Variants in CDH12 observed in about 807,000 individuals in gnomAD.
CDH12 encodes the protein cadherin-12.
In CDH12, 41 loss-of-function variants were observed where a neutral mutation model predicts 74.1. The observed-to-expected ratio is 0.55, with a 90% CI of 0.43 to 0.72. CDH12 has a LOEUF of 0.72. CDH12 is among the 30% of genes least tolerant of loss of function. The pLI is 0.00. For missense variants in CDH12, 945 were observed against 977.2 expected, an observed-to-expected ratio of 0.97 and a Z score of 0.44; for synonymous variants, 399 against 355.0, an observed-to-expected ratio of 1.12 and a Z score of -1.39.
intron 1 of CDH12, among the ~76,000 whole-genome samples, chr5:22,634,230 A>G (rs1485634825): frequency 6.6e-6 from 1 of 152,136 alleles, no homozygotes; most frequent in Non-Finnish European, 1.5e-5. Flanking sequence ...CAACAAGACA[A>G]AAGTAATTAC....
At chr5:22,235,336 T>G (rs1299576975) in intron 3 of CDH12, among the ~76,000 whole-genome samples, 2 of 152,162 alleles carry the variant, frequency 1.3e-5, no homozygotes, top group Non-Finnish European at 2.9e-5. Flanking sequence ...ATTACAGCAC[T>G]TTGGGAGGCC....
chr5:21,958,170 CCTT>C (rs1265276515), intron 6 of CDH12, among the ~76,000 whole-genome samples: 2 of 152,052 alleles, frequency 1.3e-5, no homozygotes, highest in African/African-American at 2.4e-5. Context: ...GTCCCTTTCA[CCTT>C]CTTCTATAAT....
At chr5:21,967,883 T>C (rs190334072) in intron 6 of CDH12, among the ~76,000 whole-genome samples, 3,500 of 152,236 alleles carry the variant, frequency 0.023, 67 homozygotes, top group Middle Eastern at 0.034. Context: ...CACAAGGCCT[T>C]GCTCAATTTC....
chr5:22,231,082 T>C (rs560175030), intron 3 of CDH12, among the ~76,000 whole-genome samples: 30 of 152,320 alleles, frequency 2.0e-4, no homozygotes, highest in Middle Eastern at 3.4e-3. Context: ...GGCAATTGTA[T>C]TAAAAAATAG....
At chr5:22,336,612 G>T (rs1739595415) in intron 3 of CDH12, among the ~76,000 whole-genome samples, 1 of 152,206 alleles carries the variant, frequency 6.6e-6, no homozygotes, top group South Asian at 2.1e-4. Flanking sequence ...CAAGCCACAA[G>T]CCTTAGCAGT....
At chr5:22,778,891 G>A (rs1410812028) in intron 1 of CDH12, among the ~76,000 whole-genome samples, 1 of 151,946 alleles carries the variant, frequency 6.6e-6, no homozygotes, top group East Asian at 1.9e-4. Context: ...TCTTTCAACT[G>A]TTGAGTGGCT....
At chr5:21,924,147 T>G (rs1754481661) in intron 6 of CDH12, among the ~76,000 whole-genome samples, 1 of 152,192 alleles carries the variant, frequency 6.6e-6, no homozygotes. Flanking sequence ...GTTATAATTA[T>G]AGCAACCATG....
At chr5:22,747,197 A>C (rs1412325251) in intron 1 of CDH12, among the ~76,000 whole-genome samples, 1 of 152,158 alleles carries the variant, frequency 6.6e-6, no homozygotes, top group Non-Finnish European at 1.5e-5. Context: ...TTAAACACTT[A>C]TTATATGTTT....
rs374066216 is a variant in CDH12 at position 22,760,793 on chromosome 5, TAAAC to T, written c.-523+92261_-523+92264del. On this transcript the variant is annotated intron_variant, in intron 1 of 14. Transcript: ENST00000382254. The stretch of plus-strand genomic sequence containing the variant: ...AGATTATATTTTCAAAATGATATCT[TAAAC>T]AGTGTAGTGTGCAATTGAGTAACTG... Among the ~76,000 whole-genome samples the T allele has an allele frequency of 4.0e-3, 603 of 152,184 alleles. 3 individuals are homozygous for T. Among genetic ancestry groups the T allele is most frequent in the African/African-American group, 0.014 (580 of 41,514 alleles).
At chr5:22,789,491 T>TG (rs1349367592) in intron 1 of CDH12, among the ~76,000 whole-genome samples, 2 of 152,110 alleles carry the variant, frequency 1.3e-5, no homozygotes, top group Admixed American at 1.3e-4. Context: ...CAGATGTTAA[T>TG]GCGAATATTT....
At chr5:22,653,871 T>G (rs1435328544) in intron 1 of CDH12, among the ~76,000 whole-genome samples, 5 of 152,202 alleles carry the variant, frequency 3.3e-5, no homozygotes, top group Non-Finnish European at 2.9e-5. Context: ...TTGCTTTTTC[T>G]TCAAGTCTCC....
At chr5:22,798,944 C>A (rs1029536760) in intron 1 of CDH12, among the ~76,000 whole-genome samples, 2 of 152,010 alleles carry the variant, frequency 1.3e-5, no homozygotes, top group Non-Finnish European at 2.9e-5. Flanking sequence ...ACAAGAAACC[C>A]CATCTATACT....
intron 1 of CDH12, among the ~76,000 whole-genome samples, chr5:22,598,662 A>C (rs1406962375): frequency 1.3e-5 from 2 of 152,250 alleles, no homozygotes. Context: ...GCTTGCTTAT[A>C]ATCTACATTC....
chr5:22,609,316 T>C (rs1206767840), intron 1 of CDH12, among the ~76,000 whole-genome samples: 1 of 152,206 alleles, frequency 6.6e-6, no homozygotes, highest in African/African-American at 2.4e-5. Context: ...CACTTTTTCT[T>C]TGGCATCCTA....
At chr5:22,485,541 C>T (rs983858185) in intron 2 of CDH12, among the ~76,000 whole-genome samples, 2 of 152,142 alleles carry the variant, frequency 1.3e-5, no homozygotes, top group African/African-American at 2.4e-5. Flanking sequence ...CCCTGGCCAA[C>T]ATAAAGTTAA....
chr5:22,430,612 C>T (rs1345951472), intron 2 of CDH12, among the ~76,000 whole-genome samples: 1 of 152,240 alleles, frequency 6.6e-6, no homozygotes, highest in African/African-American at 2.4e-5. Context: ...ACATCCGCAT[C>T]TCCTCCTGTA....
chr5:22,081,274 G>A (rs1022206580), intron 4 of CDH12, among the ~76,000 whole-genome samples: 2 of 151,970 alleles, frequency 1.3e-5, no homozygotes, highest in African/African-American at 2.4e-5. Context: ...TCACGTTTGC[G>A]GTAAAAATAC....
At chr5:22,325,917 A>G (rs1369195489) in intron 3 of CDH12, among the ~76,000 whole-genome samples, 1 of 152,024 alleles carries the variant, frequency 6.6e-6, no homozygotes, top group Non-Finnish European at 1.5e-5. Context: ...CAGAACAACA[A>G]CAACAACAAC....
intron 3 of CDH12, among the ~76,000 whole-genome samples, chr5:22,381,739 T>C (rs553161962): frequency 1.8e-4 from 28 of 152,072 alleles, no homozygotes; most frequent in African/African-American, 6.7e-4. Flanking sequence ...GTGTAAATTT[T>C]TACTTTATTC....
Sources: gnomAD v4.1 joint callset for allele counts (sites outside exome capture counted in the v4.1 genomes callset) on GRCh38, gnomAD v4.1.1 for gene constraint, MANE v1.5 for transcripts, NCBI Gene and HGNC (gene_info 2026-07-23, HGNC 2026-07-21) for gene names.